The following DSP variants were observed in gnomAD, a reference collection of about 807,000 sequenced individuals.
The protein encoded by DSP is desmoplakin, also known as 250/210 kDa paraneoplastic pemphigus antigen.
DSP carries 114 observed loss-of-function variants against 290.6 expected under a neutral mutation model. The ratio of observed to expected loss-of-function variants is 0.39; its 90% confidence interval spans 0.34 to 0.46. The LOEUF is 0.46. Among genes scored for constraint, DSP ranks in the 20% least tolerant of loss-of-function variants. The probability of loss-of-function intolerance (pLI) is 0.99; values close to 1 mark genes in which losing one functional copy is unlikely to be tolerated. For synonymous variants in DSP, 1,311 were observed against 1,316.4 expected (o/e 1.00, Z 0.09); for missense variants, 3,230 against 3,495.8 (o/e 0.92, Z 1.92).
At chr6:7,564,652 A>G (rs34533690) in intron 6 of DSP, among the ~76,000 whole-genome samples, 48,436 of 152,054 alleles carry the variant, frequency 0.32, 8,127 homozygotes, top group East Asian at 0.46. Context: ...TTTATTGTAT[A>G]TTTCAAAATA....
intron 1 of DSP, among the ~76,000 whole-genome samples, chr6:7,554,126 C>CACACACACACACACACACACACACACACA (rs61605193): frequency 3.8e-5 from 5 of 130,342 alleles, no homozygotes; most frequent in African/African-American, 1.3e-4. Context: ...CACACACACA[C>CACACACACACACACACACACACACACACA]CCAGTTGGTT....
intron 11 of DSP, 53 bp from the exon 12 acceptor site, chr6:7,569,133 T>A (rs955588931): frequency 1.2e-4 from 200 of 1,610,722 alleles, no homozygotes; most frequent in Middle Eastern, 6.6e-4. Flanking sequence ...AGAAAAAAAA[T>A]AAAAACACAT....
At position 7,582,646 on chromosome 6, in the gene DSP, C is replaced by A. The variant is rs1295447936; in HGVS notation, c.5384C>A (p.Ser1795Tyr). ...TTCTTTCTTCTTCAATTCCAGGCAT[C>A]TAATAGGATTCAGGAATCAAAGAAT... ...EKFQKQALEA[S>Y]NRIQESKNQC... Residue 1795 changes from serine to tyrosine, a missense_variant, in exon 24 of 24, where the codon TCT (serine) becomes TAT (tyrosine). Coordinates refer to ENST00000379802, the MANE Select transcript of DSP (RefSeq NM_004415.4). This position sits in a 1 kb window ranked among gnomAD's most constrained non-coding sequence, Gnocchi z 4.2. The A allele has an allele frequency of 6.2e-7, 1 of 1,612,832 alleles. No homozygotes were observed. The highest frequency in any genetic ancestry group is 1.7e-5 in the Admixed American group (1 of 59,966).
At chr6:7,552,996 G>A (rs2078438) in intron 1 of DSP, among the ~76,000 whole-genome samples, 38,215 of 152,036 alleles carry the variant, frequency 0.25, 5,115 homozygotes, top group African/African-American at 0.33. Flanking sequence ...ACTTCGGTGC[G>A]TTCATTCACA....
At chr6:7,545,906 G>A (rs1758158663) in intron 1 of DSP, among the ~76,000 whole-genome samples, 1 of 152,258 alleles carries the variant, frequency 6.6e-6, no homozygotes, top group African/African-American at 2.4e-5. Flanking sequence ...CATTCTCTCT[G>A]AGCAGGGAGG....
intron 1 of DSP, among the ~76,000 whole-genome samples, chr6:7,542,700 G>T (rs1005739701): frequency 6.6e-6 from 1 of 152,184 alleles, no homozygotes; most frequent in African/African-American, 2.4e-5. Flanking sequence ...CCCTGTCCGG[G>T]AAACGAAACT....
chr6:7,583,775 CTT>C lies in DSP; in HGVS notation c.6515_6516del (p.Phe2172CysfsTer49). On this transcript the variant is annotated frameshift_variant, in exon 24 of 24. Transcript: ENST00000379802. LOFTEE classifies it high-confidence loss of function. The surrounding 1 kb of genome is among the most constrained non-coding windows in gnomAD (Gnocchi z 4.0). ...LNDPRDSQKN[F>X]VDPVTKKKVS... ...ATGATCCCCGAGATAGTCAGAAAAA[CTT>C]TGTGGATCCAGTCACCAAAAAGAAG... The C allele has an allele frequency of 6.2e-7, 1 of 1,614,084 alleles. No homozygotes were observed. The highest frequency in any genetic ancestry group is 8.5e-7 in the Non-Finnish European group (1 of 1,180,042).
At chr6:7,575,237 T>A in intron 17 of DSP, 58 bp from the exon 18 acceptor site, 1 of 1,578,704 alleles carries the variant, frequency 6.3e-7, no homozygotes, top group Non-Finnish European at 8.7e-7. Flanking sequence ...TGACTTGTAG[T>A]GTAGCATACA....
intron 8 of DSP, 38 bp from the exon 9 acceptor site, chr6:7,567,316 T>G: frequency 6.4e-7 from 1 of 1,553,886 alleles, no homozygotes; most frequent in Non-Finnish European, 8.9e-7. Context: ...TCTGTACAAC[T>G]GAGCTAGGCT....
chr6:7,560,730 C>T (rs540844759), intron 4 of DSP, among the ~76,000 whole-genome samples: 35 of 152,314 alleles, frequency 2.3e-4, no homozygotes, highest in African/African-American at 7.9e-4. Flanking sequence ...GGCTTAACTA[C>T]ATCTTAAGGA....
Position 7,567,802 on chromosome 6 carries a change from A to G in DSP, c.1162A>G (p.Thr388Ala), listed in dbSNP as rs747370258. The change falls in exon 10 of 24, where the codon ACT (threonine) becomes GCT (alanine). Residue 388 changes from threonine (T) to alanine (A), a missense_variant. Physicochemically the swap from Thr to Ala is moderately conservative, Grantham distance 58 (BLOSUM62 0). Coordinates refer to ENST00000379802, the MANE Select transcript of DSP (RefSeq NM_004415.4). ...YFQFFEEAQSTEAYLKGLQDS... is the reference protein window; with the variant it reads ...YFQFFEEAQSAEAYLKGLQDS... ...ACAGTTTTTTGAAGAGGCGCAGTCT[A>G]CTGAAGCATACCTGAAGGGGCTCCA... 1 of 1,613,984 alleles carries G rather than the reference A, an allele frequency of 6.2e-7. No individual in the cohort carries two copies. Among genetic ancestry groups the G allele is most frequent in the South Asian group, 1.1e-5 (1 of 91,074 alleles).
At position 7,565,492 on chromosome 6, in the gene DSP, A is replaced by T. The variant is rs777163466; in HGVS notation, c.911A>T (p.Asn304Ile). The T allele has an allele frequency of 6.2e-7, 1 of 1,613,970 alleles. No individual in the cohort carries two copies. The change falls in exon 7 of 24, where the codon AAC becomes ATC. Residue 304 changes from asparagine (N) to isoleucine (I), a missense_variant. Physicochemically the swap from Asn to Ile is moderately radical, Grantham distance 149 (BLOSUM62 -3). Transcript: ENST00000379802. The surrounding 1 kb of genome is among the most constrained non-coding windows in gnomAD (Gnocchi z 4.2). ...LLYDWSDKNTNIAQKQEAFSI... is the reference protein window; with the variant it reads ...LLYDWSDKNTIIAQKQEAFSI... ...TACGACTGGAGCGACAAGAACACCA[A>T]CATCGCTCAGAAACAGGAGGCCTTC...
chr6:7,574,446 C>G (rs1759166722), intron 16 of DSP, among the ~76,000 whole-genome samples, 194 bp downstream of exon 16: 1 of 152,140 alleles, frequency 6.6e-6, no homozygotes, highest in South Asian at 2.1e-4. Context: ...ATAATGTTAT[C>G]TTAGAACTAA....
At position 7,558,112 on chromosome 6, in the gene DSP, T is replaced by G. The variant is rs755025350; in HGVS notation, c.274-4T>G. 11 of 1,614,240 alleles carry G rather than the reference T, an allele frequency of 6.8e-6. No homozygotes were observed. In the South Asian group the frequency reaches 1.2e-4, roughly 18 times the overall value. On this transcript the variant is annotated splice_polypyrimidine_tract_variant and splice_region_variant and intron_variant, in intron 2 of 23. Transcript: ENST00000379802. Reference sequence around the variant, plus strand: ...TTTTCCTTCATGTGAGTGTTTTCTTTCAGGAATTGAAGTATGGAGATGGAA... The same window carrying G: ...TTTTCCTTCATGTGAGTGTTTTCTTGCAGGAATTGAAGTATGGAGATGGAA...
Position 7,556,011 on chromosome 6 carries a change from A to G in DSP, c.273+191A>G, listed in dbSNP as rs77254190. On this transcript the variant is annotated intron_variant, in intron 2 of 23. Transcript: ENST00000379802. ...TATTTGTAATGTTGGTTTAACAATG[A>G]GAACCAGCTTTCAGACAGTTCCCCG... Among the ~76,000 whole-genome samples the G allele has an allele frequency of 0.025, 3,846 of 152,334 alleles. 150 individuals are homozygous for G. Among genetic ancestry groups the G allele is most frequent in the African/African-American group, 0.087 (3,622 of 41,564 alleles).
intron 1 of DSP, among the ~76,000 whole-genome samples, chr6:7,554,552 C>T (rs548651328): frequency 3.3e-5 from 5 of 151,996 alleles, no homozygotes; most frequent in Admixed American, 1.3e-4. Flanking sequence ...GTTTGTTTTG[C>T]GATAAAGACA....
intron 21 of DSP, 138 bp downstream of exon 21, chr6:7,578,024 A>G (rs1759299827): frequency 2.7e-6 from 2 of 730,692 alleles, no homozygotes; most frequent in Non-Finnish European, 4.8e-6. Flanking sequence ...ATTACAGGGT[A>G]CCACTTTAAG....
chr6:7,574,264 T>C lies in DSP; in HGVS notation c.2297+12T>C, dbSNP rs758416116. On this transcript the variant is annotated intron_variant, in intron 16 of 23. Coordinates refer to ENST00000379802, the MANE Select transcript of DSP (RefSeq NM_004415.4). Reference sequence around the variant, plus strand: ...GGCTACTTAAATAGGTAAACTCAGCTAACACTAATCTCATATTTTCCTTTT... The same window carrying C: ...GGCTACTTAAATAGGTAAACTCAGCCAACACTAATCTCATATTTTCCTTTT... 1 of 1,612,742 alleles carries C rather than the reference T, an allele frequency of 6.2e-7. No homozygotes were observed. Among genetic ancestry groups the C allele is most frequent in the East Asian group, 2.2e-5 (1 of 44,826 alleles).
At position 7,585,462 on chromosome 6, in the gene DSP, G is replaced by A; in HGVS notation, c.8200G>A (p.Gly2734Arg). ...CTTCCTGGAGTTCCAGTACCTCACGGGAGGTCTTGTTGACCCGGAAGTGCA... is the reference window on the plus strand; with the variant it reads ...CTTCCTGGAGTTCCAGTACCTCACGAGAGGTCTTGTTGACCCGGAAGTGCA... ...QRFLEFQYLT[G>R]GLVDPEVHGR... is the part of the protein sequence containing the mutation. The change falls in exon 24 of 24, where the codon GGA becomes AGA. Residue 2734 changes from glycine to arginine, a missense_variant. By Grantham distance (125) the Gly-to-Arg change is moderately radical. This residue lies in a region of DSP where 582 missense variants were observed against 555.4 expected (regional missense o/e 1.05). Coordinates refer to ENST00000379802, the MANE Select transcript of DSP (RefSeq NM_004415.4). 1 of 1,614,174 alleles carries A rather than the reference G, an allele frequency of 6.2e-7. No homozygotes were observed. The highest frequency in any genetic ancestry group is 8.5e-7 in the Non-Finnish European group (1 of 1,180,030).
Sources: gnomAD v4.1 joint callset for allele counts (sites outside exome capture counted in the v4.1 genomes callset) on GRCh38, gnomAD v4.1.1 for gene constraint, gnomAD v4.1.1 regional missense constraint, Gnocchi (gnomAD v3.1) non-coding constraint, MANE v1.5 for transcripts, NCBI Gene and HGNC (gene_info 2026-07-23, HGNC 2026-07-21) for gene names.